Variants in GPD2 observed in about 807,000 individuals in gnomAD.
GPD2 encodes glycerol-3-phosphate dehydrogenase 2.
GPD2 carries 54 observed loss-of-function variants against 82.4 expected under a neutral mutation model. That is an observed-to-expected ratio of 0.66 (90% CI 0.53 to 0.82). The LOEUF (loss-of-function observed/expected upper bound fraction) is 0.82, where lower values mean the gene tolerates loss of function less well. Ranked by LOEUF, GPD2 falls within the 40% of genes least tolerant of loss-of-function variation. The pLI is 0.00. For missense variants in GPD2, 748 were observed against 896.2 expected, an observed-to-expected ratio of 0.83 and a Z score of 2.11; for synonymous variants, 288 against 306.1, an observed-to-expected ratio of 0.94 and a Z score of 0.62.
Position 156,510,931 on chromosome 2 carries a change from A to G in GPD2, c.399+11A>G. On this transcript the variant is annotated intron_variant, in intron 4 of 16. Transcript: ENST00000438166. ...TTGGATATTGAGCAGGTAATTGTGTATGCTGGTTGTTAAACAAAAATTGCA... is the reference window on the plus strand; with the variant it reads ...TTGGATATTGAGCAGGTAATTGTGTGTGCTGGTTGTTAAACAAAAATTGCA... The G allele has an allele frequency of 6.2e-7, 1 of 1,613,136 alleles. No homozygotes were observed. The highest frequency in any genetic ancestry group is 1.3e-5 in the African/African-American group (1 of 75,024).
intron 6 of GPD2, among the ~76,000 whole-genome samples, chr2:156,526,567 T>G (rs981210492): frequency 4.1e-5 from 6 of 144,860 alleles, no homozygotes; most frequent in Non-Finnish European, 9.0e-5. Context: ...TAATGGTGCA[T>G]TTTTTAAAAT....
intron 6 of GPD2, 36 bp from the exon 7 acceptor site, chr2:156,549,572 A>G: frequency 6.3e-7 from 1 of 1,592,956 alleles, no homozygotes; most frequent in Non-Finnish European, 8.6e-7. Context: ...GCTCGAGGTG[A>G]CTCCTCTCCC....
intron 3 of GPD2, among the ~76,000 whole-genome samples, chr2:156,499,602 G>A (rs1684513239): frequency 6.6e-6 from 1 of 151,892 alleles, no homozygotes; most frequent in Non-Finnish European, 1.5e-5. Flanking sequence ...TATATTTATA[G>A]TTTTTAAAAA....
chr2:156,513,496 G>C lies in GPD2; in HGVS notation c.661G>C (p.Gly221Arg). Residue 221 changes from glycine to arginine, a missense_variant and splice_region_variant, in exon 6 of 17, where the codon GGA (glycine) becomes CGA (arginine). This residue lies in a region of GPD2 where 692 missense variants were observed against 809.7 expected (regional missense o/e 0.85). Coordinates refer to ENST00000438166, the MANE Select transcript of GPD2 (RefSeq NM_000408.5). ...KLVGAIVYYD[G>R]QHNDARMNLA... ...GGTAGGAGCAATTGTCTACTATGAC[G>C]GTATGTGATGTTTTTTTTTTTTTTC... is the stretch of plus-strand genomic sequence containing the variant. 1 of 1,609,178 alleles carries C rather than the reference G, an allele frequency of 6.2e-7. No individual in the cohort carries two copies. The highest frequency in any genetic ancestry group is 8.5e-7 in the Non-Finnish European group (1 of 1,176,212).
chr2:156,538,477 TAAAAAA>T (rs35817705), intron 6 of GPD2, among the ~76,000 whole-genome samples: 8 of 143,812 alleles, frequency 5.6e-5, no homozygotes, highest in Admixed American at 4.2e-4. Flanking sequence ...AGATTGCTGT[TAAAAAA>T]AAAAAAAAAT....
At chr2:156,433,258 T>C (rs1407859505), upstream of GPD2, among the ~76,000 whole-genome samples, 1 of 152,228 alleles carries the variant, frequency 6.6e-6, no homozygotes, top group Non-Finnish European at 1.5e-5. Context: ...TAGATTGCCT[T>C]TGTAGGACTA....
At chr2:156,447,032 C>T (rs1366301298) in intron 1 of GPD2, among the ~76,000 whole-genome samples, 1 of 151,978 alleles carries the variant, frequency 6.6e-6, no homozygotes, top group Non-Finnish European at 1.5e-5. Flanking sequence ...CTTCAGATGC[C>T]TTATTCTATG....
At chr2:156,480,774 CTTTTTTTTT>C (rs373482615) in intron 2 of GPD2, among the ~76,000 whole-genome samples, 2 of 136,560 alleles carry the variant, frequency 1.5e-5, no homozygotes, top group African/African-American at 2.7e-5. Flanking sequence ...ATCTCTCTCT[CTTTTTTTTT>C]TTTTTTTTCC....
At chr2:156,575,298 G>T in intron 13 of GPD2, among the ~76,000 whole-genome samples, 1 of 151,862 alleles carries the variant, frequency 6.6e-6, no homozygotes, top group Non-Finnish European at 1.5e-5. Context: ...GACATTTTAA[G>T]TTTATTTTAT....
chr2:156,475,351 C>T (rs754571140), intron 1 of GPD2, among the ~76,000 whole-genome samples: 7 of 151,634 alleles, frequency 4.6e-5, no homozygotes, highest in Non-Finnish European at 7.4e-5. Context: ...TTTTTTGAGA[C>T]GGAGTCTAGC....
intron 9 of GPD2, among the ~76,000 whole-genome samples, chr2:156,558,840 A>G (rs572212768): frequency 7.5e-6 from 1 of 133,562 alleles, no homozygotes; most frequent in East Asian, 2.2e-4. Context: ...TTGGTCTCAA[A>G]CTCCTGACCT....
rs538914031 is a variant in GPD2, at chr2:156,442,382, A to C, written c.-9+5869A>C. 8.5e-5 allele frequency among the ~76,000 whole-genome samples: 13 copies of C among 152,366 alleles called. No homozygotes were observed. In the East Asian group the frequency reaches 2.5e-3, roughly 29 times the overall value. On this transcript the variant is annotated intron_variant, in intron 1 of 16. Coordinates refer to ENST00000438166, the MANE Select transcript of GPD2 (RefSeq NM_000408.5). ...AAAAGTTTATGTTCAGGGTAAACTT[A>C]TTAGGAAAAACTTTGGTCAAGATTT...
chr2:156,574,108 CTG>C (rs1156414615), intron 13 of GPD2, among the ~76,000 whole-genome samples: 1 of 152,024 alleles, frequency 6.6e-6, no homozygotes, highest in African/African-American at 2.4e-5. Context: ...TTTCGAGAAA[CTG>C]TCACTCAAGA....
chr2:156,441,465 G>A (rs1276221435), intron 1 of GPD2, among the ~76,000 whole-genome samples: 1 of 152,148 alleles, frequency 6.6e-6, no homozygotes, highest in Admixed American at 6.5e-5. Flanking sequence ...AGGCTGAGGT[G>A]AGAGGATCTC....
intron 9 of GPD2, among the ~76,000 whole-genome samples, chr2:156,558,504 C>A (rs1573999394): frequency 6.6e-6 from 1 of 152,166 alleles, no homozygotes; most frequent in Admixed American, 6.5e-5. Flanking sequence ...CAATTCTGAT[C>A]ATCACTTTTC....
chr2:156,503,567 A>G (rs1684668697), intron 3 of GPD2, among the ~76,000 whole-genome samples: 1 of 152,192 alleles, frequency 6.6e-6, no homozygotes, highest in African/African-American at 2.4e-5. Context: ...GTCTGGCTTA[A>G]TAAATTGGAT....
intron 3 of GPD2, among the ~76,000 whole-genome samples, chr2:156,504,241 A>G (rs1409720692): frequency 6.6e-6 from 1 of 152,168 alleles, no homozygotes; most frequent in Non-Finnish European, 1.5e-5. Context: ...ATTACTTTGC[A>G]GCTTTACAAG....
At chr2:156,530,564 G>T (rs1368018670) in intron 6 of GPD2, among the ~76,000 whole-genome samples, 1 of 149,780 alleles carries the variant, frequency 6.7e-6, no homozygotes, top group Non-Finnish European at 1.5e-5. Context: ...ATTGGCTGTG[G>T]GTTTGTCATG....
chr2:156,400,397 C>T, the GPD2 span, among the ~76,000 whole-genome samples: 160 of 152,216 alleles, frequency 1.1e-3, no homozygotes, highest in Non-Finnish European at 3.4e-4. Flanking sequence ...CACACCACGG[C>T]CTCCTGGATC....
Sources: allele counts gnomAD v4.1 joint callset (sites outside exome capture counted in the v4.1 genomes callset), GRCh38; gene constraint gnomAD v4.1.1; regional missense constraint gnomAD v4.1.1; transcripts MANE v1.5; gene names NCBI Gene and HGNC (gene_info 2026-07-23, HGNC 2026-07-21).